The following VMP1 variants were observed in gnomAD, a reference collection of about 807,000 sequenced individuals.
VMP1 encodes the protein vacuole membrane protein 1, also known as ectopic P-granules autophagy protein 3 homolog.
Under a neutral mutation model 56.0 loss-of-function variants are expected in VMP1, and 11 were observed. The ratio of observed to expected loss-of-function variants is 0.20; its 90% CI spans 0.12 to 0.32. The LOEUF is 0.32. Ranked by LOEUF, VMP1 falls within the 10% of genes least tolerant of loss-of-function variation. VMP1 has a pLI of 1.00. For synonymous variants in VMP1, 149 were observed against 165.0 expected (o/e 0.90, Z 0.74); for missense variants, 296 against 490.3 (o/e 0.60, Z 3.74).
At chr17:59,717,014 C>G (rs1375219205) in intron 1 of VMP1, among the ~76,000 whole-genome samples, 2 of 151,898 alleles carry the variant, frequency 1.3e-5, no homozygotes, top group African/African-American at 2.4e-5. Flanking sequence ...GGGTCTCGCT[C>G]TGTCGCCCAG....
At chr17:59,800,569 C>T (rs1017437377) in intron 7 of VMP1, among the ~76,000 whole-genome samples, 5 of 152,120 alleles carry the variant, frequency 3.3e-5, no homozygotes, top group African/African-American at 1.2e-4. Flanking sequence ...AGCTCCAAAT[C>T]CAAAAGAAAG....
At chr17:59,804,226 T>C (rs988201785) in intron 7 of VMP1, among the ~76,000 whole-genome samples, 3 of 152,118 alleles carry the variant, frequency 2.0e-5, no homozygotes, top group African/African-American at 7.2e-5. Flanking sequence ...ATATAGAACA[T>C]TTTGAACAAT....
chr17:59,791,444 G>A (rs2037225236), intron 7 of VMP1, among the ~76,000 whole-genome samples: 1 of 150,742 alleles, frequency 6.6e-6, no homozygotes, highest in South Asian at 2.1e-4. Flanking sequence ...ACCCACCTCA[G>A]CCTCCCAAAG....
intron 2 of VMP1, among the ~76,000 whole-genome samples, chr17:59,733,371 A>C (rs1824030491): frequency 6.6e-6 from 1 of 152,064 alleles, no homozygotes; most frequent in South Asian, 2.1e-4. Context: ...ATACCTAATC[A>C]TTCCTAGAAA....
chr17:59,805,638 C>G (rs886413942), intron 7 of VMP1, among the ~76,000 whole-genome samples: 4 of 148,644 alleles, frequency 2.7e-5, no homozygotes, highest in African/African-American at 9.9e-5. Flanking sequence ...AGATAATGCT[C>G]TTTGGCAAAC....
chr17:59,721,981 G>C (rs921631830), intron 1 of VMP1, among the ~76,000 whole-genome samples: 6 of 152,158 alleles, frequency 3.9e-5, no homozygotes, highest in African/African-American at 2.4e-5. Context: ...CCTTCTCTCT[G>C]TGTCCTTACA....
At chr17:59,809,095 G>C (rs928717881) in intron 8 of VMP1, among the ~76,000 whole-genome samples, 1 of 151,182 alleles carries the variant, frequency 6.6e-6, no homozygotes. Flanking sequence ...CATCTCCTGG[G>C]CTCAAGCAAT....
intron 5 of VMP1, among the ~76,000 whole-genome samples, chr17:59,761,577 G>A (rs1280460374): frequency 1.3e-5 from 2 of 152,134 alleles, no homozygotes; most frequent in Non-Finnish European, 2.9e-5. Flanking sequence ...AGGAAAGGTC[G>A]TACCTACCCA....
intron 1 of VMP1, among the ~76,000 whole-genome samples, chr17:59,718,334 T>C (rs112860526): frequency 0.12 from 18,498 of 148,282 alleles, 1,250 homozygotes; most frequent in Middle Eastern, 0.25. Flanking sequence ...GTAGCTGGGA[T>C]TACAGGCGCC....
chr17:59,818,595 A>C (rs9891272), intron 10 of VMP1, among the ~76,000 whole-genome samples: 22,488 of 151,848 alleles, frequency 0.15, 2,204 homozygotes, highest in African/African-American at 0.27. Context: ...ACATGGAGAA[A>C]TCCCATCTCT....
At chr17:59,795,750 G>C (rs1056990912) in intron 7 of VMP1, among the ~76,000 whole-genome samples, 1 of 152,078 alleles carries the variant, frequency 6.6e-6, no homozygotes, top group Non-Finnish European at 1.5e-5. Context: ...CTTATCATAA[G>C]GTCTGATTGA....
At chr17:59,750,926 CTTTTTTTTTTTTTT>C (rs35948198) in intron 5 of VMP1, among the ~76,000 whole-genome samples, 5 of 91,008 alleles carry the variant, frequency 5.5e-5, no homozygotes, top group East Asian at 4.1e-4. Flanking sequence ...AAGATAGCAC[CTTTTTTTTTTTTTT>C]TTTTTTTTTG....
At chr17:59,723,758 G>A (rs892810623) in intron 1 of VMP1, among the ~76,000 whole-genome samples, 1 of 152,156 alleles carries the variant, frequency 6.6e-6, no homozygotes, top group African/African-American at 2.4e-5. Flanking sequence ...TGAGAAGGAG[G>A]AAGGAAATGA....
intron 11 of VMP1, chr17:59,838,605 A>G: frequency 1.8e-6 from 1 of 560,004 alleles, no homozygotes; most frequent in South Asian, 2.1e-5. Context: ...TCTCCTAAAA[A>G]CAAGGGTAGA....
chr17:59,800,624 T>C (rs2037604716), intron 7 of VMP1, among the ~76,000 whole-genome samples: 2 of 152,210 alleles, frequency 1.3e-5, no homozygotes, highest in African/African-American at 2.4e-5. Flanking sequence ...ATATGCCACA[T>C]AACAGCCTTT....
chr17:59,832,052 A>C (rs1250619561), intron 10 of VMP1, among the ~76,000 whole-genome samples: 2 of 151,430 alleles, frequency 1.3e-5, no homozygotes, highest in African/African-American at 4.9e-5. Flanking sequence ...CTGGTGGAAA[A>C]ATTTTTTTTA....
intron 2 of VMP1, among the ~76,000 whole-genome samples, chr17:59,732,359 C>A (rs1449712877): frequency 1.3e-5 from 2 of 152,218 alleles, no homozygotes; most frequent in South Asian, 2.1e-4. Context: ...AATTCTGCCT[C>A]AGCCTCCCGA....
At chr17:59,760,199 A>G (rs908326984) in intron 5 of VMP1, among the ~76,000 whole-genome samples, 8 of 151,920 alleles carry the variant, frequency 5.3e-5, no homozygotes. Context: ...AGGGTGAACA[A>G]TGAAGTATTG....
intron 7 of VMP1, among the ~76,000 whole-genome samples, chr17:59,774,517 T>C (rs906892941): frequency 6.6e-6 from 1 of 152,242 alleles, no homozygotes; most frequent in African/African-American, 2.4e-5. Flanking sequence ...TTCCACATAG[T>C]GTGCAGAGCT....
Sources: gnomAD v4.1 joint callset for allele counts (sites outside exome capture counted in the v4.1 genomes callset) on GRCh38, gnomAD v4.1.1 for gene constraint, MANE v1.5 for transcripts, NCBI Gene and HGNC (gene_info 2026-07-23, HGNC 2026-07-21) for gene names.